Variants in USP12 observed in about 807,000 individuals in gnomAD.
USP12 encodes the protein ubiquitin carboxyl-terminal hydrolase 12.
Under a neutral mutation model 45.5 loss-of-function variants are expected in USP12, and 19 were observed. The observed-to-expected ratio is 0.42, with a 90% CI of 0.29 to 0.61. The LOEUF (loss-of-function observed/expected upper bound fraction) is 0.61. USP12 is among the 20% of genes least tolerant of loss of function. The pLI, the probability that USP12 is intolerant of heterozygous loss-of-function variation, is 0.22. For synonymous variants in USP12, 149 were observed against 148.8 expected, an observed-to-expected ratio of 1.00 and a Z score of -0.01; for missense variants, 242 against 447.7, an observed-to-expected ratio of 0.54 and a Z score of 4.15.
At chr13:27,122,715 T>C (rs1195371463) in intron 1 of USP12, among the ~76,000 whole-genome samples, 1 of 152,054 alleles carries the variant, frequency 6.6e-6, no homozygotes, top group Non-Finnish European at 1.5e-5. Context: ...GCTTAAGAAC[T>C]AAACAAGGTT....
At position 27,084,169 on chromosome 13, in the gene USP12, TACACACACACACACAC is replaced by T. The variant is rs374948699; in HGVS notation, c.734+5698_734+5713del. ...TGTCACTCATAAATCCATGTTTGCA[TACACACACACACACAC>T]ACACACACACACACACACACACACA... On this transcript the variant is annotated intron_variant, in intron 6 of 8. Coordinates refer to ENST00000282344, the MANE Select transcript of USP12 (RefSeq NM_182488.4). Among the ~76,000 whole-genome samples, 105 of 142,488 alleles carry T rather than the reference TACACACACACACACAC, an allele frequency of 7.4e-4. 3 individuals are homozygous for T. The highest frequency in any genetic ancestry group is 4.3e-3 in the East Asian group (21 of 4,930). 93.5% of individuals were successfully genotyped at this position (142,488 alleles called of 152,430 possible).
At chr13:27,087,098 G>A (rs865574) in intron 6 of USP12, among the ~76,000 whole-genome samples, 2 of 143,758 alleles carry the variant, frequency 1.4e-5, no homozygotes, top group East Asian at 4.7e-4. Context: ...AGGGGAAGGG[G>A]CTGTGTGTGT....
At chr13:27,121,114 G>A (rs2137801360) in intron 1 of USP12, among the ~76,000 whole-genome samples, 2 of 152,256 alleles carry the variant, frequency 1.3e-5, no homozygotes, top group Middle Eastern at 6.8e-3. Context: ...TCTCTAAAGG[G>A]TTTCTCTTCA....
At chr13:27,155,377 A>G (rs1008202420) in intron 1 of USP12, among the ~76,000 whole-genome samples, 9 of 151,948 alleles carry the variant, frequency 5.9e-5, no homozygotes, top group African/African-American at 2.2e-4. Flanking sequence ...CACTGCACCC[A>G]GCGACCTCCA....
Position 27,067,128 on chromosome 13 carries a change from GTTT to G in USP12, c.*2152_*2154del, listed in dbSNP as rs60197468. On this transcript the variant is annotated 3_prime_UTR_variant, in exon 9 of 9. Coordinates refer to ENST00000282344, the MANE Select transcript of USP12 (RefSeq NM_182488.4). ...AAATTTAACTTGGCTTTTACGGCAT[GTTT>G]TTTTTTAATGCAAAAATGTAAAAAC... The G allele has an allele frequency of 6.6e-6, 1 of 150,412 alleles. No homozygotes were observed. Among genetic ancestry groups the G allele is most frequent in the Non-Finnish European group, 1.5e-5 (1 of 67,430 alleles). 9.3% of individuals were successfully genotyped at this position (150,412 alleles called of 1,614,324 possible). A position where few individuals can be genotyped will look rare whatever the true frequency, so the allele number is the denominator to read the frequency against.
intron 4 of USP12, among the ~76,000 whole-genome samples, chr13:27,093,912 G>A (rs1364747406): frequency 1.3e-5 from 2 of 152,148 alleles, no homozygotes; most frequent in Non-Finnish European, 2.9e-5. Flanking sequence ...ATTGCTAAGT[G>A]GAAGAAGCTA....
chr13:27,139,296 A>G (rs927066327), intron 1 of USP12, among the ~76,000 whole-genome samples: 9 of 152,200 alleles, frequency 5.9e-5, no homozygotes, highest in African/African-American at 2.2e-4. Context: ...CTTACGCTAC[A>G]TACTAGCATC....
intron 1 of USP12, among the ~76,000 whole-genome samples, chr13:27,134,360 T>C (rs890407817): frequency 2.0e-5 from 3 of 152,172 alleles, no homozygotes; most frequent in Admixed American, 6.5e-5. Flanking sequence ...TTCTCTATTA[T>C]ATTCTGAAAA....
intron 1 of USP12, among the ~76,000 whole-genome samples, chr13:27,127,890 T>C (rs959406291): frequency 3.9e-5 from 6 of 152,248 alleles, no homozygotes; most frequent in Admixed American, 6.5e-5. Context: ...TGAATCAATA[T>C]TATAATTCAC....
At chr13:27,145,592 T>C (rs1593207012) in intron 1 of USP12, among the ~76,000 whole-genome samples, 1 of 152,344 alleles carries the variant, frequency 6.6e-6, no homozygotes, top group Non-Finnish European at 1.5e-5. Context: ...GGAGTTCATT[T>C]AGAATCTGCT....
intron 6 of USP12, among the ~76,000 whole-genome samples, chr13:27,088,487 T>A (rs894556347): frequency 1.3e-5 from 2 of 152,054 alleles, no homozygotes; most frequent in African/African-American, 4.8e-5. Flanking sequence ...AAACTTGGAT[T>A]TTGGACATGT....
At chr13:27,102,046 C>A (rs1874889942) in intron 3 of USP12, among the ~76,000 whole-genome samples, 1 of 140,284 alleles carries the variant, frequency 7.1e-6, no homozygotes, top group African/African-American at 2.8e-5. Flanking sequence ...AATGAATGGA[C>A]AATAGGGATT....
intron 7 of USP12, 140 bp from the exon 8 acceptor site, chr13:27,071,289 T>C: frequency 1.5e-6 from 1 of 646,628 alleles, no homozygotes; most frequent in South Asian, 2.6e-5. Context: ...CCCTTACCTA[T>C]TCTTGCCAAA....
chr13:27,163,780 A>AAG (rs1878227419), intron 1 of USP12, among the ~76,000 whole-genome samples: 2 of 138,588 alleles, frequency 1.4e-5, no homozygotes, highest in Non-Finnish European at 3.2e-5. Context: ...AAAAAAAAAA[A>AAG]AAAAAGAAAA....
chr13:27,151,201 C>T (rs745909498), intron 1 of USP12, among the ~76,000 whole-genome samples: 4 of 151,686 alleles, frequency 2.6e-5, no homozygotes, highest in South Asian at 2.1e-4. Context: ...CATGGTAGCG[C>T]GCAATTGTAA....
chr13:27,110,155 G>T (rs1014543097), intron 2 of USP12, among the ~76,000 whole-genome samples: 1 of 142,496 alleles, frequency 7.0e-6, no homozygotes, highest in African/African-American at 2.6e-5. Context: ...AAGGATAAGT[G>T]GAAGAGAAGG....
intron 3 of USP12, among the ~76,000 whole-genome samples, chr13:27,099,555 T>C (rs1874766245): frequency 6.6e-6 from 1 of 152,192 alleles, no homozygotes; most frequent in African/African-American, 2.4e-5. Context: ...TCACCTCCCT[T>C]CACTTAACCC....
intron 1 of USP12, among the ~76,000 whole-genome samples, chr13:27,148,442 G>A (rs567478700): frequency 1.2e-3 from 187 of 151,758 alleles, no homozygotes; most frequent in African/African-American, 4.3e-3. Flanking sequence ...TTGGGAGGCC[G>A]AGGCGGGCAG....
At chr13:27,158,306 T>C (rs992372160) in intron 1 of USP12, among the ~76,000 whole-genome samples, 2 of 151,896 alleles carry the variant, frequency 1.3e-5, no homozygotes, top group African/African-American at 4.8e-5. Context: ...GTAGCTAGGG[T>C]AGAAAATGGA....
Sources: allele counts gnomAD v4.1 joint callset (sites outside exome capture counted in the v4.1 genomes callset), GRCh38; gene constraint gnomAD v4.1.1; transcripts MANE v1.5; gene names NCBI Gene and HGNC (gene_info 2026-07-23, HGNC 2026-07-21).